Variants in KRIT1 observed in about 807,000 individuals in gnomAD.
KRIT1 encodes the protein KRIT1 ankyrin repeat containing, also known as krev interaction trapped protein 1.
Under a neutral mutation model 95.8 loss-of-function variants are expected in KRIT1, and 45 were observed. The ratio of observed to expected loss-of-function variants is 0.47; its 90% CI spans 0.37 to 0.60. The LOEUF is 0.60. Among genes scored for constraint, KRIT1 ranks in the 20% least tolerant of loss-of-function variants. KRIT1 has a pLI of 0.00. For missense variants in KRIT1, 788 were observed against 877.5 expected, an observed-to-expected ratio of 0.90 and a Z score of 1.29; for synonymous variants, 282 against 278.8, an observed-to-expected ratio of 1.01 and a Z score of -0.11.
intron 14 of KRIT1, 95 bp from the exon 15 acceptor site, chr7:92,214,872 T>C: frequency 5.9e-6 from 5 of 847,658 alleles, no homozygotes; most frequent in Non-Finnish European, 7.8e-6. Context: ...CATATTTGTA[T>C]ATAAATGAGC....
Position 92,234,468 on chromosome 7 carries a change from G to T in KRIT1, c.970C>A (p.Pro324Thr). The T allele has an allele frequency of 6.2e-7, 1 of 1,607,150 alleles. No individual in the cohort carries two copies. The highest frequency in any genetic ancestry group is 2.2e-5 in the East Asian group (1 of 44,840). Residue 324 changes from proline to threonine, a missense_variant, in exon 10 of 19, where the codon CCC (proline) becomes ACC (threonine). By Grantham distance (38) the Pro-to-Thr change is conservative. This residue lies in a region of KRIT1 where 493 missense variants were observed against 582.3 expected (regional missense o/e 0.85). Transcript: ENST00000394505. ...VNQLDSDHWA[P>T]IHYACWYGKV... ...ATTTACCAGCATGCATAATGAATGGGTGCCCAGTGGTCACTATCTAACTGG... is the reference window on the plus strand; with the variant it reads ...ATTTACCAGCATGCATAATGAATGGTTGCCCAGTGGTCACTATCTAACTGG...
At chr7:92,241,427 A>G (rs908648034) in intron 4 of KRIT1, among the ~76,000 whole-genome samples, 26 of 152,296 alleles carry the variant, frequency 1.7e-4, no homozygotes, top group African/African-American at 6.0e-4. Flanking sequence ...ACCCTACAGT[A>G]CCCTTTAACA....
At chr7:92,220,636 T>C (rs1794931603) in intron 14 of KRIT1, among the ~76,000 whole-genome samples, 1 of 151,986 alleles carries the variant, frequency 6.6e-6, no homozygotes, top group South Asian at 2.1e-4. Flanking sequence ...CATATTTAGA[T>C]TATCATGCCT....
At position 92,234,926 on chromosome 7, in the gene KRIT1, AG is replaced by A. The variant is rs765824055; in HGVS notation, c.730-4del. 4 of 1,325,200 alleles carry A rather than the reference AG, an allele frequency of 3.0e-6. No homozygotes were observed. Among genetic ancestry groups the A allele is most frequent in the Admixed American group, 1.7e-5 (1 of 59,642 alleles). 82.1% of individuals were successfully genotyped at this position (1,325,200 alleles called of 1,614,324 possible). A position where few individuals can be genotyped will look rare whatever the true frequency, so the allele number is the denominator to read the frequency against. ...GGATTTATTACCACTTTATCTACCT[AG>A]AAAGGGAAAACAATAACAAAAACCC... On this transcript the variant is annotated splice_region_variant and splice_polypyrimidine_tract_variant and intron_variant, in intron 8 of 18. Coordinates refer to ENST00000394505, the MANE Select transcript of KRIT1 (RefSeq NM_194454.3).
At position 92,226,518 on chromosome 7, in the gene KRIT1, T is replaced by C. The variant is rs182762651; in HGVS notation, c.1146+8A>G. The C allele has an allele frequency of 5.0e-6, 8 of 1,602,166 alleles. No homozygotes were observed. In the East Asian group the frequency reaches 1.6e-4, roughly 31 times the overall value. On this transcript the variant is annotated splice_region_variant and intron_variant, in intron 11 of 18. Transcript: ENST00000394505. ...ATATTATTTTTAAAAACCTGGAAAA[T>C]AACTTACTCTATCCGTTTCTGGGTG...
rs185284753 is a variant in KRIT1, at chr7:92,240,090, G to A, written c.262+903C>T. ...ACAAAAACTCTTCAGGCTCTATTAG[G>A]GGAAGAAACCTATCAGGGAGCTATA... On this transcript the variant is annotated intron_variant, in intron 5 of 18. Coordinates refer to ENST00000394505, the MANE Select transcript of KRIT1 (RefSeq NM_194454.3). Among the ~76,000 whole-genome samples, 6 of 152,114 alleles carry A rather than the reference G, an allele frequency of 3.9e-5. No homozygotes were observed. In the East Asian group the frequency reaches 1.2e-3, roughly 29 times the overall value.
At chr7:92,232,596 A>G (rs1797533890) in intron 10 of KRIT1, among the ~76,000 whole-genome samples, 1 of 151,736 alleles carries the variant, frequency 6.6e-6, no homozygotes, top group African/African-American at 2.4e-5. Context: ...ACTAAAATTC[A>G]CTGCCTTTGC....
rs532153187 is a variant in KRIT1 at position 92,226,463 on chromosome 7, T to A, written c.1146+63A>T. 6 of 1,192,006 alleles carry A rather than the reference T, an allele frequency of 5.0e-6. No individual in the cohort carries two copies. In the Admixed American group the frequency reaches 1.0e-4, roughly 20 times the overall value. The allele number at this position is 1,192,006 out of a possible 1,614,324, so 73.8% of individuals were successfully genotyped here. A position where few individuals can be genotyped will look rare whatever the true frequency, so the allele number is the denominator to read the frequency against. On this transcript the variant is annotated intron_variant, in intron 11 of 18. Transcript: ENST00000394505. ...CTCTCAAACATACAATTTAACATTT[T>A]AGTGTCATTACTTGTTATTCACTGC...
At chr7:92,208,820 G>A (rs992737269) in intron 17 of KRIT1, among the ~76,000 whole-genome samples, 1 of 152,016 alleles carries the variant, frequency 6.6e-6, no homozygotes, top group African/African-American at 2.4e-5. Context: ...AAAAACTGAA[G>A]AGGATTCTTC....
In KRIT1 at chr7:92,235,260, A is replaced by G. The variant is rs182129178; in HGVS notation, c.729+143T>C. 636 of 821,238 alleles carry G rather than the reference A, an allele frequency of 7.7e-4. 3 individuals carry two copies. The highest frequency in any genetic ancestry group is 3.9e-3 in the South Asian group (246 of 62,750). 50.9% of individuals were successfully genotyped at this position (821,238 alleles called of 1,614,324 possible). A position where few individuals can be genotyped will look rare whatever the true frequency, so the allele number is the denominator to read the frequency against. ...GGCAATCTGCCCTCCTTGGCCTCCC[A>G]AAGTGCTGGGATTACAGGCGTGAGC... On this transcript the variant is annotated intron_variant, in intron 8 of 18. Transcript: ENST00000394505.
intron 3 of KRIT1, among the ~76,000 whole-genome samples, chr7:92,243,168 G>C (rs539082376): frequency 6.6e-6 from 1 of 152,196 alleles, no homozygotes; most frequent in South Asian, 2.1e-4. Flanking sequence ...GTGTGTGTGC[G>C]TGTGTGTTAT....
At chr7:92,240,937 AAT>A in intron 5 of KRIT1, 54 bp downstream of exon 5, 1 of 1,339,020 alleles carries the variant, frequency 7.5e-7, no homozygotes, top group Non-Finnish European at 1.1e-6. Flanking sequence ...TTTTTAAAAG[AAT>A]CTTTCTCCAC....
Position 92,201,333 on chromosome 7 carries a change from T to C in KRIT1, c.2116A>G (p.Met706Val), listed in dbSNP as rs1244004015. 2.6e-6 allele frequency: 4 copies of C among 1,556,916 alleles called. No homozygotes were observed. In the Admixed American group the frequency reaches 6.7e-5, roughly 26 times the overall value. ...CFQIHSMENK[M>V]SFIVHTKQAG... ...TGTTTTGTATGTACTATAAAGCTCA[T>C]TTTATTTTCCATGCTATGGATCTGA... Residue 706 changes from methionine to valine, a missense_variant, in exon 18 of 19, where the codon ATG becomes GTG. Physicochemically the swap from Met to Val is conservative, Grantham distance 21. Around this residue, in one of 3 missense-constraint regions of KRIT1, gnomAD observed 493 missense variants for 582.3 expected, o/e 0.85. Coordinates refer to ENST00000394505, the MANE Select transcript of KRIT1 (RefSeq NM_194454.3).
At chr7:92,219,380 C>T (rs1356846398) in intron 14 of KRIT1, among the ~76,000 whole-genome samples, 2 of 152,174 alleles carry the variant, frequency 1.3e-5, no homozygotes, top group African/African-American at 4.8e-5. Context: ...ATACCAGCAC[C>T]ATCTGTTGAA....
At position 92,245,112 on chromosome 7, in the gene KRIT1, G is replaced by C. The variant is rs1273646291; in HGVS notation, c.-361C>G. On this transcript the variant is annotated 5_prime_UTR_variant, in exon 2 of 19. Transcript: ENST00000394505. The stretch of plus-strand genomic sequence containing the variant: ...GGCTGAGATCCTGAGTTGGACCACC[G>C]AGATGAAAGACTTCTGGTGAGGCTA... 1 of 152,136 alleles carries C rather than the reference G, an allele frequency of 6.6e-6. No homozygotes were observed. The highest frequency in any genetic ancestry group is 1.5e-5 in the Non-Finnish European group (1 of 68,054). 9.4% of individuals were successfully genotyped at this position (152,136 alleles called of 1,614,324 possible). A position where few individuals can be genotyped will look rare whatever the true frequency, so the allele number is the denominator to read the frequency against.
intron 7 of KRIT1, 113 bp from the exon 8 acceptor site, chr7:92,235,759 ATAATTT>A: frequency 3.1e-6 from 3 of 977,100 alleles, no homozygotes. Context: ...TCAGATTTTT[ATAATTT>A]TAATTTAGTG....
chr7:92,242,917 G>A (rs537936739), intron 3 of KRIT1, among the ~76,000 whole-genome samples: 406 of 152,218 alleles, frequency 2.7e-3, no homozygotes, highest in African/African-American at 9.1e-3. Flanking sequence ...GGGTTCAGGC[G>A]ATTCTCCCTC....
chr7:92,228,641 G>C (rs919650759), intron 10 of KRIT1, among the ~76,000 whole-genome samples: 2 of 152,040 alleles, frequency 1.3e-5, no homozygotes, highest in African/African-American at 4.8e-5. Flanking sequence ...TTGTTACATA[G>C]GTAAATTCTT....
intron 10 of KRIT1, 63 bp from the exon 11 acceptor site, chr7:92,226,745 T>C: frequency 6.6e-7 from 1 of 1,505,438 alleles, no homozygotes; most frequent in Non-Finnish European, 9.1e-7. Flanking sequence ...AAAGATCATC[T>C]GAAATGTTTT....
Sources: gnomAD v4.1 joint callset for allele counts (sites outside exome capture counted in the v4.1 genomes callset) on GRCh38, gnomAD v4.1.1 for gene constraint, gnomAD v4.1.1 regional missense constraint, MANE v1.5 for transcripts, NCBI Gene and HGNC (gene_info 2026-07-23, HGNC 2026-07-21) for gene names.